The following GAREM1 variants were observed in gnomAD, a reference collection of about 807,000 sequenced individuals.
GAREM1 encodes the protein GRB2-associated and regulator of MAPK protein 1.
GAREM1 carries 26 observed loss-of-function variants against 71.3 expected under a neutral mutation model. That is an observed-to-expected ratio of 0.36 (90% CI 0.27 to 0.51). GAREM1 has a LOEUF of 0.51. Ranked by LOEUF, GAREM1 falls within the 20% of genes least tolerant of loss-of-function variation. The probability of loss-of-function intolerance (pLI) is 0.95; values close to 1 mark genes in which losing one functional copy is unlikely to be tolerated. For missense variants in GAREM1, 1,026 were observed against 1,103.1 expected (o/e 0.93, Z 0.99); for synonymous variants, 440 against 433.2 (o/e 1.02, Z -0.20).
At chr18:32,309,995 A>G (rs2047299392) in intron 3 of GAREM1, among the ~76,000 whole-genome samples, 198 bp downstream of exon 3, 1 of 152,328 alleles carries the variant, frequency 6.6e-6, no homozygotes, top group South Asian at 2.1e-4. Flanking sequence ...AATTCTAACA[A>G]AAGATAATGC....
chr18:32,293,954 A>G (rs916892516), intron 3 of GAREM1, among the ~76,000 whole-genome samples: 2 of 152,192 alleles, frequency 1.3e-5, no homozygotes, highest in African/African-American at 4.8e-5. Flanking sequence ...CCTGGTGTGT[A>G]TTCTTAACAA....
intron 2 of GAREM1, among the ~76,000 whole-genome samples, chr18:32,360,086 C>T (rs980270687): frequency 5.6e-4 from 85 of 151,828 alleles, no homozygotes; most frequent in African/African-American, 2.0e-3. Context: ...TGTTTTCTTC[C>T]TTTCCTATCT....
At chr18:32,300,906 CAAAAAAAAA>C (rs764891353) in intron 3 of GAREM1, among the ~76,000 whole-genome samples, 5 of 83,342 alleles carry the variant, frequency 6.0e-5, no homozygotes, top group Non-Finnish European at 1.0e-4. Flanking sequence ...AACTCCGTCT[CAAAAAAAAA>C]AAAAAAAAAA....
intron 3 of GAREM1, among the ~76,000 whole-genome samples, chr18:32,290,642 G>GAAAAAAA (rs586596): frequency 1.3e-5 from 1 of 75,600 alleles, no homozygotes. Context: ...CAGACTGTCT[G>GAAAAAAA]AAAAAAAAAA....
intron 2 of GAREM1, among the ~76,000 whole-genome samples, chr18:32,389,206 G>A (rs1451893413): frequency 6.6e-6 from 1 of 152,094 alleles, no homozygotes; most frequent in Non-Finnish European, 1.5e-5. Flanking sequence ...AAAAACAGCA[G>A]CCCAAATAAC....
intron 2 of GAREM1, among the ~76,000 whole-genome samples, chr18:32,392,271 C>G (rs1483285456): frequency 6.6e-6 from 1 of 151,786 alleles, no homozygotes; most frequent in African/African-American, 2.4e-5. Flanking sequence ...AGATGTATCC[C>G]AACCTCCTAG....
At chr18:32,456,886 G>A (rs561514759) in intron 1 of GAREM1, among the ~76,000 whole-genome samples, 2 of 152,178 alleles carry the variant, frequency 1.3e-5, no homozygotes, top group Admixed American at 1.3e-4. Context: ...AGATGATTTA[G>A]AAAGATTCCC....
chr18:32,422,939 C>T (rs1285938933), intron 1 of GAREM1, among the ~76,000 whole-genome samples: 3 of 152,206 alleles, frequency 2.0e-5, no homozygotes, highest in South Asian at 2.1e-4. Context: ...GACTAGAACT[C>T]GGCCTCCTGC....
chr18:32,274,159 T>C (rs765579757), intron 4 of GAREM1, among the ~76,000 whole-genome samples: 1 of 152,174 alleles, frequency 6.6e-6, no homozygotes, highest in Non-Finnish European at 1.5e-5. Flanking sequence ...TTTCTCTGCA[T>C]CTTAAGGGAA....
intron 2 of GAREM1, among the ~76,000 whole-genome samples, chr18:32,382,875 C>A (rs141421524): frequency 2.6e-4 from 40 of 151,948 alleles, no homozygotes; most frequent in African/African-American, 9.7e-4. Flanking sequence ...GACTCCCACA[C>A]GAGGGGACCA....
intron 1 of GAREM1, among the ~76,000 whole-genome samples, chr18:32,418,753 G>C (rs953927627): frequency 6.6e-6 from 1 of 152,092 alleles, no homozygotes. Flanking sequence ...TTCATTTAAC[G>C]CAACAGTGGC....
intron 1 of GAREM1, among the ~76,000 whole-genome samples, chr18:32,460,430 G>A (rs1372237185): frequency 6.6e-6 from 1 of 152,102 alleles, no homozygotes; most frequent in Non-Finnish European, 1.5e-5. Flanking sequence ...CTTCAAACTA[G>A]GTTAACAATT....
rs750635415 is a variant in GAREM1, at chr18:32,268,814, C to G, written c.1734-46G>C. 7.2e-6 allele frequency: 11 copies of G among 1,530,738 alleles called. No individual in the cohort carries two copies. The East Asian group carries it at 2.5e-4, about 35-fold the overall frequency. The allele number at this position is 1,530,738 out of a possible 1,614,324, so 94.8% of individuals were successfully genotyped here. A position where few individuals can be genotyped will look rare whatever the true frequency, so the allele number is the denominator to read the frequency against. ...GAGAAATCAGTTAAAAGAAAAAAGC[C>G]AAATCCCAAGGCTTTTGTTATTTAT... On this transcript the variant is annotated intron_variant, in intron 5 of 5. Transcript: ENST00000269209.
chr18:32,302,317 T>C (rs138408139), intron 3 of GAREM1, among the ~76,000 whole-genome samples: 1 of 152,332 alleles, frequency 6.6e-6, no homozygotes, highest in East Asian at 1.9e-4. Context: ...TTTCCAGATC[T>C]AAAATGTAAT....
chr18:32,454,266 T>C (rs1391952451), intron 1 of GAREM1, among the ~76,000 whole-genome samples: 1 of 152,058 alleles, frequency 6.6e-6, no homozygotes, highest in Non-Finnish European at 1.5e-5. Flanking sequence ...CTACCACAAT[T>C]CATACAATTT....
intron 1 of GAREM1, among the ~76,000 whole-genome samples, chr18:32,407,974 T>C (rs938625639): frequency 8.7e-5 from 13 of 148,926 alleles, no homozygotes; most frequent in East Asian, 2.0e-4. Flanking sequence ...GAGTTTTGTC[T>C]TTTTTTTTTA....
intron 1 of GAREM1, among the ~76,000 whole-genome samples, chr18:32,461,883 A>G (rs908174655): frequency 4.6e-5 from 7 of 152,164 alleles, no homozygotes; most frequent in African/African-American, 1.7e-4. Context: ...CAGTAAGTGA[A>G]AAGACAGATA....
chr18:32,294,252 C>T (rs1273609259), intron 3 of GAREM1, among the ~76,000 whole-genome samples: 1 of 152,072 alleles, frequency 6.6e-6, no homozygotes, highest in East Asian at 1.9e-4. Flanking sequence ...TCAATTCACC[C>T]TCACATGATT....
chr18:32,404,596 A>C (rs1400720320), intron 1 of GAREM1, among the ~76,000 whole-genome samples: 1 of 152,218 alleles, frequency 6.6e-6, no homozygotes, highest in African/African-American at 2.4e-5. Context: ...TGTATTTCAC[A>C]TTAGAGTAAC....
Sources: allele counts gnomAD v4.1 joint callset (sites outside exome capture counted in the v4.1 genomes callset), GRCh38; gene constraint gnomAD v4.1.1; transcripts MANE v1.5; gene names NCBI Gene and HGNC (gene_info 2026-07-23, HGNC 2026-07-21).